Variants in PSPC1 observed in about 807,000 individuals in gnomAD.
PSPC1 encodes the protein paraspeckle protein 1.
Under a neutral mutation model 51.6 loss-of-function variants are expected in PSPC1, and 14 were observed. The observed-to-expected ratio is 0.27, with a 90% CI of 0.18 to 0.42. The LOEUF is 0.42. PSPC1 is among the 10% of genes least tolerant of loss of function. The pLI is 1.00. For missense variants in PSPC1, 406 were observed against 701.1 expected (o/e 0.58, Z 4.75); for synonymous variants, 193 against 231.9 (o/e 0.83, Z 1.53).
chr13:19,707,378 T>A (rs1408466082), intron 7 of PSPC1, among the ~76,000 whole-genome samples: 1 of 152,234 alleles, frequency 6.6e-6, no homozygotes, highest in Non-Finnish European at 1.5e-5. Context: ...ATTATCTGAT[T>A]ACTAGAAAGG....
chr13:19,780,193 G>T (rs1338388749), intron 1 of PSPC1, among the ~76,000 whole-genome samples: 1 of 127,412 alleles, frequency 7.8e-6, no homozygotes, highest in Non-Finnish European at 1.7e-5. Flanking sequence ...GGTGGGGGGG[G>T]TCAGCCCCCC....
chr13:19,678,014 C>T, intron 6 of PSPC1: 1 of 322,728 alleles, frequency 3.1e-6, no homozygotes, highest in Non-Finnish European at 6.1e-6. Flanking sequence ...TCCATTTCCT[C>T]AAAGAACATC....
intron 6 of PSPC1, among the ~76,000 whole-genome samples, chr13:19,723,372 C>CA (rs900974357): frequency 6.6e-6 from 1 of 152,020 alleles, no homozygotes; most frequent in African/African-American, 2.4e-5. Flanking sequence ...AGTAGTCATT[C>CA]AAAAAAGATT....
chr13:19,732,685 G>A (rs551194079), intron 5 of PSPC1, among the ~76,000 whole-genome samples: 1 of 152,206 alleles, frequency 6.6e-6, no homozygotes, highest in East Asian at 1.9e-4. Flanking sequence ...CCCACACTTT[G>A]GGAGCCTGAG....
At chr13:19,748,039 C>G (rs1229926020) in intron 4 of PSPC1, among the ~76,000 whole-genome samples, 1 of 152,084 alleles carries the variant, frequency 6.6e-6, no homozygotes, top group Non-Finnish European at 1.5e-5. Flanking sequence ...CATGATGAAA[C>G]CCCATCTCTA....
At chr13:19,711,060 C>CT (rs982273432) in intron 6 of PSPC1, among the ~76,000 whole-genome samples, 11 of 152,082 alleles carry the variant, frequency 7.2e-5, no homozygotes, top group African/African-American at 1.9e-4. Flanking sequence ...AGGCTGGTAT[C>CT]TAACTCCTGG....
At chr13:19,706,265 T>G (rs539847129) in intron 7 of PSPC1, among the ~76,000 whole-genome samples, 1 of 152,164 alleles carries the variant, frequency 6.6e-6, no homozygotes, top group African/African-American at 2.4e-5. Flanking sequence ...TTATGCTAAG[T>G]TGTGAGAGAG....
intron 6 of PSPC1, among the ~76,000 whole-genome samples, chr13:19,721,825 T>A (rs1882807176): frequency 6.6e-6 from 1 of 152,160 alleles, no homozygotes; most frequent in South Asian, 2.1e-4. Context: ...CAAAAAAAAA[T>A]TGTTTCTTTG....
chr13:19,677,245 AAAAAAG>A (rs1373987150), intron 7 of PSPC1, among the ~76,000 whole-genome samples: 1 of 152,134 alleles, frequency 6.6e-6, no homozygotes, highest in East Asian at 1.9e-4. Flanking sequence ...AAAAAAAAAA[AAAAAAG>A]AGATTACATA....
At chr13:19,780,125 C>T (rs1157829172) in intron 1 of PSPC1, among the ~76,000 whole-genome samples, 14 of 59,618 alleles carry the variant, frequency 2.3e-4, no homozygotes, top group Non-Finnish European at 3.5e-4. Context: ...CCGCCCCGTC[C>T]GGGAGGGAGG....
At chr13:19,778,036 G>A (rs916907926) in intron 1 of PSPC1, among the ~76,000 whole-genome samples, 2 of 151,998 alleles carry the variant, frequency 1.3e-5, no homozygotes, top group African/African-American at 2.4e-5. Flanking sequence ...GAGGTCAATA[G>A]GTCAAGACCA....
chr13:19,751,243 C>T lies in PSPC1; in HGVS notation c.967+28G>A, dbSNP rs755740655. ...CACTTAAGGGAAAAAAAAAATCATACCACATGTACATGAAAATCCATATTT... is the reference window on the plus strand; with the variant it reads ...CACTTAAGGGAAAAAAAAAATCATATCACATGTACATGAAAATCCATATTT... On this transcript the variant is annotated intron_variant, in intron 4 of 8. Coordinates refer to ENST00000338910, the MANE Select transcript of PSPC1 (RefSeq NM_001354909.2). 1.8e-5 allele frequency: 27 copies of T among 1,488,932 alleles called. No homozygotes were observed. In the Admixed American group the frequency reaches 6.7e-4, roughly 37 times the overall value. The allele number at this position is 1,488,932 out of a possible 1,614,324, so 92.2% of individuals were successfully genotyped here. A position where few individuals can be genotyped will look rare whatever the true frequency, so the allele number is the denominator to read the frequency against.
At chr13:19,736,139 G>C (rs1593661193) in intron 5 of PSPC1, among the ~76,000 whole-genome samples, 1 of 151,926 alleles carries the variant, frequency 6.6e-6, no homozygotes, top group East Asian at 1.9e-4. Flanking sequence ...TCAATTTTAA[G>C]GCAAGTTGTT....
intron 6 of PSPC1, among the ~76,000 whole-genome samples, chr13:19,713,180 A>C (rs551694319): frequency 6.6e-6 from 1 of 152,228 alleles, no homozygotes; most frequent in Non-Finnish European, 1.5e-5. Context: ...CGTATACGTG[A>C]TATTTTTACA....
exon 8 of PSPC1, chr13:19,674,784 A>G (rs189730094): frequency 6.6e-6 from 1 of 152,386 alleles, no homozygotes; most frequent in African/African-American, 2.4e-5. Flanking sequence ...TATTTCATGC[A>G]GTTAACATGC....
rs140992981 is a variant in PSPC1 at position 19,744,549 on chromosome 13, A to C, written c.968-2900T>G. Among the ~76,000 whole-genome samples the C allele has an allele frequency of 6.6e-5, 10 of 152,138 alleles. No homozygotes were observed. The East Asian group carries it at 1.9e-3, about 29-fold the overall frequency. On this transcript the variant is annotated intron_variant, in intron 4 of 8. Transcript: ENST00000338910. ...AAAACTGTAAAAAGTACATAACTAGAGATGTCTTTTTTTTTCTTTTTTTTC... is the reference window on the plus strand; with the variant it reads ...AAAACTGTAAAAAGTACATAACTAGCGATGTCTTTTTTTTTCTTTTTTTTC...
chr13:19,705,911 T>C, intron 7 of PSPC1, 80 bp from the exon 8 acceptor site: 1 of 1,249,098 alleles, frequency 8.0e-7, no homozygotes, highest in East Asian at 2.4e-5. Flanking sequence ...TTATGCAATC[T>C]ATATACCAAG....
chr13:19,722,007 A>G (rs948308214), intron 6 of PSPC1, among the ~76,000 whole-genome samples: 13 of 152,258 alleles, frequency 8.5e-5, no homozygotes, highest in African/African-American at 2.9e-4. Flanking sequence ...ACTGAAAACC[A>G]TAACTGAGCT....
chr13:19,722,368 C>T (rs951317922), intron 6 of PSPC1, among the ~76,000 whole-genome samples: 2 of 152,036 alleles, frequency 1.3e-5, no homozygotes, highest in African/African-American at 4.8e-5. Context: ...GGGCTGGTGT[C>T]ACACACCTGC....
Sources: allele counts gnomAD v4.1 joint callset (sites outside exome capture counted in the v4.1 genomes callset), GRCh38; gene constraint gnomAD v4.1.1; transcripts MANE v1.5; gene names NCBI Gene and HGNC (gene_info 2026-07-23, HGNC 2026-07-21).